The following SORCS1 variants were observed in gnomAD, a reference collection of about 807,000 sequenced individuals.
SORCS1 encodes the protein VPS10 domain-containing receptor SorCS1.
SORCS1 carries 60 observed loss-of-function variants against 146.1 expected under a neutral mutation model. The observed-to-expected ratio is 0.41, with a 90% CI of 0.33 to 0.51. SORCS1 has a LOEUF of 0.51. SORCS1 is among the 20% of genes least tolerant of loss of function. The pLI is 0.21. For synonymous variants in SORCS1, 637 were observed against 584.0 expected (o/e 1.09, Z -1.31); for missense variants, 1,352 against 1,487.6 (o/e 0.91, Z 1.50).
rs373926974 is a variant in SORCS1, at chr10:106,620,454, C to T, written c.2770G>A (p.Val924Met). ...TCCGTGTTGTTTCCGTACCACCACA[C>T]GTAAGTGAGGGTGCCCACTTGGCTG... ...WPSQVGTLTY[V>M]WWYGNNTEPL... Residue 924 changes from valine (V) to methionine (M), a missense_variant, in exon 20 of 26, where the codon GTG (valine) becomes ATG (methionine). Coordinates refer to ENST00000263054, the MANE Select transcript of SORCS1 (RefSeq NM_052918.5). 4.3e-6 allele frequency: 7 copies of T among 1,613,840 alleles called. No individual in the cohort carries two copies. The highest frequency in any genetic ancestry group is 1.7e-5 in the Admixed American group (1 of 59,996).
chr10:106,867,271 T>G (rs1475622738), intron 2 of SORCS1, among the ~76,000 whole-genome samples: 1 of 151,792 alleles, frequency 6.6e-6, no homozygotes, highest in Admixed American at 6.6e-5. Context: ...TAGGACAGAT[T>G]GGAAGCTTAT....
chr10:107,077,260 A>G (rs1962969096), intron 1 of SORCS1, among the ~76,000 whole-genome samples: 1 of 152,094 alleles, frequency 6.6e-6, no homozygotes, highest in South Asian at 2.1e-4. Context: ...CAAATCCTCA[A>G]CATTGAATAC....
intron 2 of SORCS1, among the ~76,000 whole-genome samples, chr10:106,940,643 G>A (rs958339455): frequency 6.6e-6 from 1 of 152,140 alleles, no homozygotes; most frequent in Non-Finnish European, 1.5e-5. Context: ...CAGCACTTTG[G>A]GAGGCCAAGG....
chr10:106,752,582 C>G (rs1858339579), intron 5 of SORCS1, among the ~76,000 whole-genome samples: 1 of 152,160 alleles, frequency 6.6e-6, no homozygotes, highest in African/African-American at 2.4e-5. Flanking sequence ...CATTCAACCC[C>G]ACAATGGCAA....
chr10:106,629,109 A>T, intron 19 of SORCS1, 93 bp downstream of exon 19: 1 of 1,109,222 alleles, frequency 9.0e-7, no homozygotes, highest in Non-Finnish European at 1.3e-6. Context: ...AAAGATAACT[A>T]GTGTACTTCT....
rs189256825 is a variant in SORCS1, at chr10:106,854,193, T to C, written c.627-24520A>G. 4.7e-3 allele frequency among the ~76,000 whole-genome samples: 716 copies of C among 152,182 alleles called. 4 individuals carry two copies. The highest frequency in any genetic ancestry group is 5.7e-3 in the Non-Finnish European group (385 of 67,956). On this transcript the variant is annotated intron_variant, in intron 2 of 25. Transcript: ENST00000263054. ...TTGGCATATTGACTCCCCTTTATCA[T>C]TATGTAATGCCCCTCTTTACCCTGA...
At chr10:106,654,915 G>A (rs1330845390) in intron 17 of SORCS1, among the ~76,000 whole-genome samples, 1 of 151,842 alleles carries the variant, frequency 6.6e-6, no homozygotes, top group African/African-American at 2.4e-5. Context: ...GGCTCACTGC[G>A]GCTTTATTAT....
At chr10:107,137,438 C>T (rs71475449) in intron 1 of SORCS1, among the ~76,000 whole-genome samples, 1,626 of 152,270 alleles carry the variant, frequency 0.011, 16 homozygotes, top group Non-Finnish European at 0.015. Flanking sequence ...ATTTTTACTG[C>T]CCTGCCAGAC....
intron 2 of SORCS1, among the ~76,000 whole-genome samples, chr10:106,908,725 G>A (rs575739948): frequency 6.6e-6 from 1 of 152,148 alleles, no homozygotes; most frequent in African/African-American, 2.4e-5. Flanking sequence ...GCCACAGAAC[G>A]GCGCTCTTTG....
At chr10:106,606,266 C>T (rs1293666013) in intron 23 of SORCS1, among the ~76,000 whole-genome samples, 1 of 137,616 alleles carries the variant, frequency 7.3e-6, no homozygotes, top group African/African-American at 2.8e-5. Context: ...CAAATACACA[C>T]ACAGATATAC....
At chr10:106,758,025 A>G (rs932518927) in intron 5 of SORCS1, among the ~76,000 whole-genome samples, 8 of 152,250 alleles carry the variant, frequency 5.3e-5, no homozygotes, top group African/African-American at 1.9e-4. Flanking sequence ...AATGGGCAAG[A>G]TATGTCTGTA....
chr10:106,996,804 AAG>A (rs1957024444), intron 1 of SORCS1, among the ~76,000 whole-genome samples: 2 of 152,204 alleles, frequency 1.3e-5, no homozygotes, highest in African/African-American at 4.8e-5. Flanking sequence ...CCCAATTTGT[AAG>A]AGACTTAAAC....
At chr10:106,728,596 T>A (rs2135998721) in intron 6 of SORCS1, among the ~76,000 whole-genome samples, 1 of 152,346 alleles carries the variant, frequency 6.6e-6, no homozygotes, top group African/African-American at 2.4e-5. Flanking sequence ...CCTTTAGAGA[T>A]GAGAAATCTC....
chr10:106,734,571 CT>C (rs1364075752), intron 5 of SORCS1, among the ~76,000 whole-genome samples: 11 of 152,190 alleles, frequency 7.2e-5, no homozygotes, highest in African/African-American at 2.6e-4. Context: ...AACTGAATGG[CT>C]TTTGAGAAAA....
chr10:107,141,842 T>A (rs1291809210), intron 1 of SORCS1, among the ~76,000 whole-genome samples: 1 of 152,204 alleles, frequency 6.6e-6, no homozygotes, highest in East Asian at 1.9e-4. Flanking sequence ...TGATTTTCTG[T>A]CTGTGGCACC....
intron 1 of SORCS1, among the ~76,000 whole-genome samples, chr10:106,996,713 T>G (rs1454271152): frequency 6.6e-6 from 1 of 152,214 alleles, no homozygotes; most frequent in Non-Finnish European, 1.5e-5. Flanking sequence ...AGAAAAGTGC[T>G]GATCATTCTG....
chr10:106,664,124 C>G (rs1192719317), intron 17 of SORCS1, among the ~76,000 whole-genome samples: 1 of 152,180 alleles, frequency 6.6e-6, no homozygotes, highest in Non-Finnish European at 1.5e-5. Flanking sequence ...AATGAACAGG[C>G]CCCTGAGAGT....
At chr10:106,608,606 A>G (rs1846764478) in intron 22 of SORCS1, among the ~76,000 whole-genome samples, 3 of 152,208 alleles carry the variant, frequency 2.0e-5, no homozygotes, top group Admixed American at 2.0e-4. Context: ...TAAGTAACTT[A>G]TAATATTATT....
chr10:107,108,607 G>A (rs1429642147), intron 1 of SORCS1, among the ~76,000 whole-genome samples: 2 of 152,090 alleles, frequency 1.3e-5, no homozygotes, highest in African/African-American at 4.8e-5. Context: ...TTCAACATGA[G>A]ATTCAGGCAG....
Sources: gnomAD v4.1 joint callset for allele counts (sites outside exome capture counted in the v4.1 genomes callset) on GRCh38, gnomAD v4.1.1 for gene constraint, MANE v1.5 for transcripts, NCBI Gene and HGNC (gene_info 2026-07-23, HGNC 2026-07-21) for gene names.